The following NRSN1 variants were observed in gnomAD, a reference collection of about 807,000 sequenced individuals.
NRSN1 encodes the protein neurensin-1.
Under a neutral mutation model 17.3 loss-of-function variants are expected in NRSN1, and 14 were observed. The ratio of observed to expected loss-of-function variants is 0.81; its 90% CI spans 0.54 to 1.27. The LOEUF (loss-of-function observed/expected upper bound fraction) is 1.27. Ranked by LOEUF, NRSN1 falls within the 50% of genes most tolerant of loss-of-function variation. The probability of loss-of-function intolerance (pLI) is 0.00; values close to 1 mark genes in which losing one functional copy is unlikely to be tolerated. For missense variants in NRSN1, 209 were observed against 235.9 expected, an observed-to-expected ratio of 0.89 and a Z score of 0.75; for synonymous variants, 79 against 94.2, an observed-to-expected ratio of 0.84 and a Z score of 0.93.
intron 3 of NRSN1, among the ~76,000 whole-genome samples, chr6:24,135,229 G>A (rs76931725): frequency 0.022 from 3,306 of 152,312 alleles, 125 homozygotes; most frequent in African/African-American, 0.074. Context: ...TGCTATGGAT[G>A]ACAGGGGGTG....
At position 24,146,070 on chromosome 6, in the gene NRSN1, A is replaced by T; in HGVS notation, c.*124A>T. On this transcript the variant is annotated 3_prime_UTR_variant, in exon 4 of 4. Coordinates refer to ENST00000378491, the MANE Select transcript of NRSN1 (RefSeq NM_080723.5). ...AGGGCTGTGTTCAGCTGTGGGCAATATAATGGGTGGACTCACACTTGCTCA... is the reference window on the plus strand; with the variant it reads ...AGGGCTGTGTTCAGCTGTGGGCAATTTAATGGGTGGACTCACACTTGCTCA... 2 of 1,008,886 alleles carry T rather than the reference A, an allele frequency of 2.0e-6. No homozygotes were observed. Among genetic ancestry groups the T allele is most frequent in the Non-Finnish European group, 1.6e-6 (1 of 635,020 alleles). 62.5% of individuals were successfully genotyped at this position (1,008,886 alleles called of 1,614,324 possible).
chr6:24,146,887 C>T lies in NRSN1; in HGVS notation c.*941C>T, dbSNP rs1310608044. 6.6e-6 allele frequency: 1 copy of T among 152,230 alleles called. No homozygotes were observed. The highest frequency in any genetic ancestry group is 6.5e-5 in the Admixed American group (1 of 15,274). 9.4% of individuals were successfully genotyped at this position (152,230 alleles called of 1,614,324 possible). A position where few individuals can be genotyped will look rare whatever the true frequency, so the allele number is the denominator to read the frequency against. On this transcript the variant is annotated 3_prime_UTR_variant, in exon 4 of 4. Transcript: ENST00000378491. The stretch of plus-strand genomic sequence containing the variant: ...TGGGGAAATTATTTAACCTCTCAGT[C>T]CTAATTTTCCCCTTCTGTATAATGG...
chr6:24,137,406 C>T (rs965063858), intron 3 of NRSN1, among the ~76,000 whole-genome samples: 2 of 152,142 alleles, frequency 1.3e-5, no homozygotes, highest in South Asian at 2.1e-4. Context: ...CAGAGGTGAA[C>T]AAATATTCTT....
chr6:24,135,330 C>T (rs1476443417), intron 3 of NRSN1, among the ~76,000 whole-genome samples: 1 of 152,128 alleles, frequency 6.6e-6, no homozygotes, highest in Non-Finnish European at 1.5e-5. Context: ...AGGGAACAGA[C>T]CTGACTGAAG....
chr6:24,141,173 T>G (rs1020860834), intron 3 of NRSN1: 1 of 1,267,036 alleles, frequency 7.9e-7, no homozygotes, highest in Non-Finnish European at 1.0e-6. Flanking sequence ...CTCAGAACTT[T>G]AAACAACCTC....
chr6:24,140,437 T>A (rs1265325265), intron 3 of NRSN1, among the ~76,000 whole-genome samples: 1 of 152,204 alleles, frequency 6.6e-6, no homozygotes, highest in African/African-American at 2.4e-5. Flanking sequence ...CATCGGTTCT[T>A]GCTTCATAAA....
At chr6:24,140,033 A>T (rs1561867278) in intron 3 of NRSN1, among the ~76,000 whole-genome samples, 1 of 152,244 alleles carries the variant, frequency 6.6e-6, no homozygotes, top group East Asian at 1.9e-4. Context: ...CAGAGGAAAC[A>T]GTGTGTCAGA....
rs1760324388 is a variant in NRSN1, at chr6:24,147,353, CCCT to C, written c.*1408_*1410del. 5 of 151,012 alleles carry C rather than the reference CCCT, an allele frequency of 3.3e-5. No individual in the cohort carries two copies. The South Asian group carries it at 1.1e-3, about 32-fold the overall frequency. 9.4% of individuals were successfully genotyped at this position (151,012 alleles called of 1,614,324 possible). On this transcript the variant is annotated 3_prime_UTR_variant, in exon 4 of 4. Transcript: ENST00000378491. ...AAATTGTGCCACCTTAGAGCCCCCC[CCCT>C]TTTTTTTTTCTTCCTTCACTGGATA...
Position 24,126,255 on chromosome 6 carries a change from G to T in NRSN1, c.-168G>T. On this transcript the variant is annotated 5_prime_UTR_variant, in exon 1 of 4. Transcript: ENST00000378491. The stretch of plus-strand genomic sequence containing the variant: ...GCTGAGCTCTACGAGGCGGAGCGGC[G>T]GCGGTGGCGACGGCGATGGGACCCC... 1 of 178,914 alleles carries T rather than the reference G, an allele frequency of 5.6e-6. No homozygotes were observed. The highest frequency in any genetic ancestry group is 1.2e-5 in the Non-Finnish European group (1 of 86,724). 11.1% of individuals were successfully genotyped at this position (178,914 alleles called of 1,614,324 possible). A position where few individuals can be genotyped will look rare whatever the true frequency, so the allele number is the denominator to read the frequency against.
At chr6:24,133,162 T>C (rs1426581308) in intron 2 of NRSN1, among the ~76,000 whole-genome samples, 2 of 152,182 alleles carry the variant, frequency 1.3e-5, no homozygotes, top group Non-Finnish European at 2.9e-5. Context: ...CAAAACAACC[T>C]GCCTAGGACA....
intron 3 of NRSN1, among the ~76,000 whole-genome samples, chr6:24,142,172 T>G (rs1157043550): frequency 6.8e-6 from 1 of 146,804 alleles, no homozygotes; most frequent in Non-Finnish European, 1.5e-5. Context: ...CCGTAGCACT[T>G]ATGTCTTATA....
At chr6:24,131,873 C>T (rs1336235301) in intron 2 of NRSN1, among the ~76,000 whole-genome samples, 1 of 152,150 alleles carries the variant, frequency 6.6e-6, no homozygotes, top group African/African-American at 2.4e-5. Flanking sequence ...AGGCAAAGAA[C>T]ATTCTAAAAA....
intron 3 of NRSN1, among the ~76,000 whole-genome samples, chr6:24,136,461 G>A (rs1477147858): frequency 6.6e-6 from 1 of 152,048 alleles, no homozygotes; most frequent in Non-Finnish European, 1.5e-5. Flanking sequence ...AATCCTTACT[G>A]GCTTTAGCCA....
At chr6:24,143,731 G>T (rs1183722252) in intron 3 of NRSN1, among the ~76,000 whole-genome samples, 1 of 152,176 alleles carries the variant, frequency 6.6e-6, no homozygotes, top group African/African-American at 2.4e-5. Context: ...TTTTCAAGGG[G>T]TGTCTTTCCA....
intron 2 of NRSN1, among the ~76,000 whole-genome samples, chr6:24,132,486 T>C (rs1454564897): frequency 2.0e-5 from 3 of 152,230 alleles, no homozygotes; most frequent in African/African-American, 7.2e-5. Flanking sequence ...TAACCTTCTA[T>C]GTTGTTCCCC....
At chr6:24,144,144 T>C (rs1234758369) in intron 3 of NRSN1, among the ~76,000 whole-genome samples, 1 of 152,216 alleles carries the variant, frequency 6.6e-6, no homozygotes, top group Non-Finnish European at 1.5e-5. Flanking sequence ...AATAGCTACA[T>C]GTGAGAGGAG....
At chr6:24,141,130 T>C in intron 3 of NRSN1, 1 of 1,307,416 alleles carries the variant, frequency 7.6e-7, no homozygotes, top group Non-Finnish European at 9.8e-7. Context: ...TTCCAACTCT[T>C]CTGTGTGGCC....
chr6:24,133,300 T>C (rs755552651), intron 2 of NRSN1, among the ~76,000 whole-genome samples: 2 of 152,166 alleles, frequency 1.3e-5, no homozygotes, highest in Non-Finnish European at 2.9e-5. Context: ...CCACAAACAA[T>C]GGGTAAAATA....
intron 3 of NRSN1, among the ~76,000 whole-genome samples, chr6:24,142,521 T>A (rs1463408859): frequency 6.6e-6 from 1 of 152,102 alleles, no homozygotes; most frequent in Non-Finnish European, 1.5e-5. Context: ...TACAACAATG[T>A]GATCTCGGCT....
Sources: gnomAD v4.1 joint callset for allele counts (sites outside exome capture counted in the v4.1 genomes callset) on GRCh38, gnomAD v4.1.1 for gene constraint, MANE v1.5 for transcripts, NCBI Gene and HGNC (gene_info 2026-07-23, HGNC 2026-07-21) for gene names.